EEFSEC: variants seen among roughly 807,000 people sequenced by gnomAD.
EEFSEC encodes eukaryotic elongation factor, selenocysteine-tRNA specific.
A neutral mutation model predicts 42.1 loss-of-function variants in EEFSEC; 43 were observed. That is an observed-to-expected ratio of 1.02 (90% CI 0.80 to 1.32). The LOEUF is 1.32. EEFSEC is among the 40% of genes most tolerant of loss of function. EEFSEC has a pLI of 0.00. For synonymous variants in EEFSEC, 354 were observed against 339.1 expected, an observed-to-expected ratio of 1.04 and a Z score of -0.48; for missense variants, 745 against 803.6, an observed-to-expected ratio of 0.93 and a Z score of 0.88.
chr3:128,154,452 T>C (rs1284306625), intron 1 of EEFSEC, among the ~76,000 whole-genome samples: 4 of 152,040 alleles, frequency 2.6e-5, no homozygotes, highest in Non-Finnish European at 5.9e-5. Flanking sequence ...CTTTTTCTTT[T>C]TTTTTTTTTC....
At chr3:128,226,089 C>T (rs1017372343) in intron 1 of EEFSEC, among the ~76,000 whole-genome samples, 1 of 152,198 alleles carries the variant, frequency 6.6e-6, no homozygotes, top group African/African-American at 2.4e-5. Flanking sequence ...CACTCGTTGC[C>T]AGCAAGTGTG....
At chr3:128,221,155 G>T (rs183982517) in intron 1 of EEFSEC, among the ~76,000 whole-genome samples, 7 of 152,204 alleles carry the variant, frequency 4.6e-5, no homozygotes, top group African/African-American at 1.7e-4. Flanking sequence ...CCATGCTGCT[G>T]CTGGAAGCCT....
At chr3:128,343,456 C>CG (rs968137805) in intron 5 of EEFSEC, among the ~76,000 whole-genome samples, 18 of 151,994 alleles carry the variant, frequency 1.2e-4, no homozygotes, top group Admixed American at 2.6e-4. Context: ...CCCTTAGCTC[C>CG]GGGGGGGCCG....
chr3:128,191,386 A>T (rs1280556823), intron 1 of EEFSEC, among the ~76,000 whole-genome samples: 1 of 152,066 alleles, frequency 6.6e-6, no homozygotes, highest in African/African-American at 2.4e-5. Flanking sequence ...CATGGGCTCA[A>T]GCAATCCTCC....
chr3:128,208,855 A>C (rs2065727102), intron 1 of EEFSEC, among the ~76,000 whole-genome samples: 2 of 152,238 alleles, frequency 1.3e-5, no homozygotes, highest in South Asian at 4.1e-4. Context: ...AAGCTCCTGC[A>C]CTACTTCTCA....
At chr3:128,226,043 A>G (rs759921688) in intron 1 of EEFSEC, among the ~76,000 whole-genome samples, 20 of 152,358 alleles carry the variant, frequency 1.3e-4, no homozygotes, top group South Asian at 4.1e-4. Context: ...CAGAGCCCCA[A>G]TAAGAATCGG....
chr3:128,223,058 G>T (rs2065876341), intron 1 of EEFSEC, among the ~76,000 whole-genome samples: 1 of 152,214 alleles, frequency 6.6e-6, no homozygotes, highest in Non-Finnish European at 1.5e-5. Flanking sequence ...TGGGGAGCTG[G>T]AAATTTAGTT....
intron 4 of EEFSEC, among the ~76,000 whole-genome samples, chr3:128,299,166 A>G (rs2066739769): frequency 6.6e-6 from 1 of 152,198 alleles, no homozygotes; most frequent in South Asian, 2.1e-4. Flanking sequence ...TAGGAGCCGT[A>G]TCAATCTAAA....
chr3:128,418,175 A>G, the EEFSEC span, among the ~76,000 whole-genome samples: 8 of 152,064 alleles, frequency 5.3e-5, no homozygotes, highest in African/African-American at 1.9e-4. Flanking sequence ...GCCCTCGTCC[A>G]GTCCTGCTCC....
chr3:128,375,217 G>A (rs2107608708), intron 6 of EEFSEC, among the ~76,000 whole-genome samples: 1 of 152,320 alleles, frequency 6.6e-6, no homozygotes, highest in South Asian at 2.1e-4. Context: ...CACAGGGGCT[G>A]CAGACAGTCC....
At chr3:128,377,809 A>G (rs2067727077) in intron 6 of EEFSEC, among the ~76,000 whole-genome samples, 1 of 152,260 alleles carries the variant, frequency 6.6e-6, no homozygotes, top group Admixed American at 6.5e-5. Context: ...CCAAAAGTAC[A>G]GTGCCATTTT....
chr3:128,285,069 C>T (rs544279354), intron 4 of EEFSEC, among the ~76,000 whole-genome samples: 7 of 152,052 alleles, frequency 4.6e-5, no homozygotes, highest in African/African-American at 9.6e-5. Flanking sequence ...GGGTTGATGA[C>T]GGCTTGGTCT....
At chr3:128,392,551 C>T (rs1001287596) in intron 6 of EEFSEC, among the ~76,000 whole-genome samples, 10 of 152,212 alleles carry the variant, frequency 6.6e-5, no homozygotes, top group Non-Finnish European at 1.2e-4. Flanking sequence ...CCGAGGCACG[C>T]GGCATCTCGC....
rs576377897 is a variant in EEFSEC, at chr3:128,406,896, A to G, written c.1601-1173A>G. On this transcript the variant is annotated intron_variant, in intron 6 of 6. Transcript: ENST00000254730. ...TACATACATATATATATATTACACT[A>G]TAAATATACACAGTTTGTCATTTGT... is the stretch of plus-strand genomic sequence containing the variant. 4.6e-5 allele frequency among the ~76,000 whole-genome samples: 7 copies of G among 151,958 alleles called. No individual in the cohort carries two copies. In the East Asian group the frequency reaches 1.3e-3, roughly 29 times the overall value.
intron 4 of EEFSEC, among the ~76,000 whole-genome samples, chr3:128,327,765 A>G (rs1218686354): frequency 6.6e-6 from 1 of 152,158 alleles, no homozygotes; most frequent in Non-Finnish European, 1.5e-5. Context: ...GAGCCCTGGC[A>G]GGTTTCATTG....
At chr3:128,361,664 C>T (rs1406184070) in intron 6 of EEFSEC, among the ~76,000 whole-genome samples, 1 of 152,192 alleles carries the variant, frequency 6.6e-6, no homozygotes, top group Non-Finnish European at 1.5e-5. Context: ...GGGGGACGGC[C>T]CCATCCTTCC....
At chr3:128,288,055 T>C (rs1182440181) in intron 4 of EEFSEC, among the ~76,000 whole-genome samples, 1 of 149,862 alleles carries the variant, frequency 6.7e-6, no homozygotes, top group Non-Finnish European at 1.5e-5. Flanking sequence ...TTAGTGATAA[T>C]ACAGGTACGC....
At chr3:128,321,389 CAG>C (rs557804845) in intron 4 of EEFSEC, among the ~76,000 whole-genome samples, 24 of 152,274 alleles carry the variant, frequency 1.6e-4, no homozygotes, top group African/African-American at 5.1e-4. Context: ...AGCTGGCCCT[CAG>C]GGGGCAGCCA....
At chr3:128,395,182 C>G (rs1231245409) in intron 6 of EEFSEC, among the ~76,000 whole-genome samples, 1 of 152,214 alleles carries the variant, frequency 6.6e-6, no homozygotes, top group Non-Finnish European at 1.5e-5. Flanking sequence ...CGCCTGTTAT[C>G]CCTGCGTCAC....
Sources: gnomAD v4.1 joint callset for allele counts (sites outside exome capture counted in the v4.1 genomes callset) on GRCh38, gnomAD v4.1.1 for gene constraint, MANE v1.5 for transcripts, NCBI Gene and HGNC (gene_info 2026-07-23, HGNC 2026-07-21) for gene names.